Variants in PKHD1 observed in about 807,000 individuals in gnomAD.
The protein encoded by PKHD1 is PKHD1 ciliary IPT domain containing fibrocystin/polyductin, also known as fibrocystin.
A neutral mutation model predicts 412.0 loss-of-function variants in PKHD1; 291 were observed. The ratio of observed to expected loss-of-function variants is 0.71; its 90% confidence interval spans 0.64 to 0.78. The LOEUF (loss-of-function observed/expected upper bound fraction) is 0.78, where lower values mean the gene tolerates loss of function less well. Ranked by LOEUF, PKHD1 falls within the 30% of genes least tolerant of loss-of-function variation. The probability of loss-of-function intolerance (pLI) is 0.00; values close to 1 mark genes in which losing one functional copy is unlikely to be tolerated. For synonymous variants in PKHD1, 1,777 were observed against 1,821.5 expected, an observed-to-expected ratio of 0.98 and a Z score of 0.62; for missense variants, 4,825 against 4,950.7, an observed-to-expected ratio of 0.97 and a Z score of 0.76.
intron 60 of PKHD1, among the ~76,000 whole-genome samples, chr6:51,693,809 G>A (rs1778456935): frequency 6.6e-6 from 1 of 152,098 alleles, no homozygotes. Flanking sequence ...TGTTTTAAGT[G>A]CTTTATAAGC....
chr6:51,885,726 T>C (rs1254125376), intron 45 of PKHD1, 141 bp downstream of exon 45: 1 of 703,860 alleles, frequency 1.4e-6, no homozygotes, highest in Non-Finnish European at 2.6e-6. Flanking sequence ...TGCTTTAAAA[T>C]TGTGACAGCA....
At chr6:52,069,908 A>C (rs571192647) in intron 10 of PKHD1, among the ~76,000 whole-genome samples, 18 of 152,220 alleles carry the variant, frequency 1.2e-4, no homozygotes, top group Non-Finnish European at 2.6e-4. Flanking sequence ...CTGTCATTAC[A>C]AGGCAATTAT....
intron 37 of PKHD1, among the ~76,000 whole-genome samples, chr6:51,913,380 T>C (rs1281094340): frequency 2.0e-5 from 3 of 152,086 alleles, no homozygotes; most frequent in Non-Finnish European, 4.4e-5. Flanking sequence ...CACTCCAGCA[T>C]ACCCGCCTGA....
At chr6:52,007,849 T>C (rs1362114142) in intron 35 of PKHD1, among the ~76,000 whole-genome samples, 1 of 152,216 alleles carries the variant, frequency 6.6e-6, no homozygotes, top group African/African-American at 2.4e-5. Flanking sequence ...ACTTCCACCA[T>C]ATTGATCCAG....
At chr6:51,755,377 T>A (rs747494488) in intron 55 of PKHD1, among the ~76,000 whole-genome samples, 10 of 152,178 alleles carry the variant, frequency 6.6e-5, no homozygotes, top group Non-Finnish European at 1.3e-4. Context: ...TTTCATCATG[T>A]GTTACAAATC....
At chr6:51,970,605 T>G (rs1793527919) in intron 35 of PKHD1, among the ~76,000 whole-genome samples, 1 of 152,250 alleles carries the variant, frequency 6.6e-6, no homozygotes, top group Non-Finnish European at 1.5e-5. Flanking sequence ...AAGTCTTCAA[T>G]CCATCTTGAG....
At chr6:51,667,464 G>C (rs1300066758) in intron 60 of PKHD1, among the ~76,000 whole-genome samples, 7 of 148,796 alleles carry the variant, frequency 4.7e-5, no homozygotes, top group African/African-American at 1.7e-4. Context: ...CAGATGAGTA[G>C]GTTGTGAAAA....
intron 36 of PKHD1, among the ~76,000 whole-genome samples, chr6:51,946,809 T>G (rs1002929055): frequency 6.6e-6 from 1 of 152,234 alleles, no homozygotes; most frequent in Non-Finnish European, 1.5e-5. Flanking sequence ...ACATCTCTTT[T>G]GTTTCTTTTA....
chr6:51,783,694 A>G (rs1225920927), intron 53 of PKHD1, among the ~76,000 whole-genome samples: 4 of 152,140 alleles, frequency 2.6e-5, no homozygotes, highest in Non-Finnish European at 4.4e-5. Context: ...TATATGTTTA[A>G]AAAAACATTT....
intron 48 of PKHD1, among the ~76,000 whole-genome samples, chr6:51,865,133 G>C (rs548241436): frequency 6.6e-6 from 1 of 152,270 alleles, no homozygotes; most frequent in Admixed American, 6.5e-5. Context: ...GGTAGAAACA[G>C]AAGCTGGGAA....
intron 61 of PKHD1, among the ~76,000 whole-genome samples, chr6:51,656,352 G>A (rs1771850796): frequency 6.6e-6 from 1 of 152,144 alleles, no homozygotes; most frequent in Non-Finnish European, 1.5e-5. Context: ...CGGGTGGGGA[G>A]CAAGGGAAGG....
chr6:51,746,943 C>T (rs2150975590), intron 58 of PKHD1, 54 bp from the exon 59 acceptor site: 1 of 1,055,468 alleles, frequency 9.5e-7, no homozygotes, highest in East Asian at 2.6e-5. Flanking sequence ...CCACCAGCCA[C>T]AAATATCGAA....
chr6:51,842,626 G>A (rs1463595992), intron 50 of PKHD1, among the ~76,000 whole-genome samples: 1 of 152,022 alleles, frequency 6.6e-6, no homozygotes, highest in Non-Finnish European at 1.5e-5. Context: ...TCCTGTTTTG[G>A]GCAAGTCCTA....
chr6:52,005,217 C>A (rs2128106095), intron 35 of PKHD1, among the ~76,000 whole-genome samples: 1 of 152,332 alleles, frequency 6.6e-6, no homozygotes, highest in South Asian at 2.1e-4. Context: ...TCTCACCTAG[C>A]TGAGATGCTT....
chr6:51,697,436 G>C (rs1389211381), intron 60 of PKHD1, among the ~76,000 whole-genome samples: 1 of 152,160 alleles, frequency 6.6e-6, no homozygotes, highest in Non-Finnish European at 1.5e-5. Flanking sequence ...TATGCTCAAT[G>C]CTGAAAACAC....
chr6:51,933,347 G>A (rs1472094808), intron 37 of PKHD1, among the ~76,000 whole-genome samples: 1 of 152,168 alleles, frequency 6.6e-6, no homozygotes, highest in Non-Finnish European at 1.5e-5. Context: ...CCACCTATCT[G>A]TAAGAGGATT....
At chr6:51,894,117 G>C (rs1251723002) in intron 43 of PKHD1, among the ~76,000 whole-genome samples, 1 of 152,242 alleles carries the variant, frequency 6.6e-6, no homozygotes, top group African/African-American at 2.4e-5. Flanking sequence ...CCTCTTGACA[G>C]ATAACAAGGA....
chr6:52,045,129 G>T, intron 24 of PKHD1, 41 bp from the exon 25 acceptor site: 2 of 1,602,352 alleles, frequency 1.2e-6, no homozygotes, highest in South Asian at 1.1e-5. Context: ...TCATGGAACC[G>T]AAATCTAATC....
chr6:52,048,777 A>G (rs779328354), intron 22 of PKHD1, among the ~76,000 whole-genome samples, 158 bp from the exon 23 acceptor site: 7 of 152,238 alleles, frequency 4.6e-5, no homozygotes, highest in Non-Finnish European at 1.0e-4. Flanking sequence ...GGACCACTCG[A>G]TGTGAGAATC....
Sources: gnomAD v4.1 joint callset for allele counts (sites outside exome capture counted in the v4.1 genomes callset) on GRCh38, gnomAD v4.1.1 for gene constraint, MANE v1.5 for transcripts, NCBI Gene and HGNC (gene_info 2026-07-23, HGNC 2026-07-21) for gene names.